PDGFB: variants seen among roughly 807,000 people sequenced by gnomAD.
The protein encoded by PDGFB is platelet derived growth factor subunit B, also known as platelet-derived growth factor subunit B.
Under a neutral mutation model 29.0 loss-of-function variants are expected in PDGFB, and 6 were observed. The observed-to-expected ratio is 0.21, with a 90% CI of 0.11 to 0.41. PDGFB has a LOEUF of 0.41. Among genes scored for constraint, PDGFB ranks in the 10% least tolerant of loss-of-function variants. PDGFB has a pLI of 1.00. For synonymous variants in PDGFB, 144 were observed against 140.8 expected, an observed-to-expected ratio of 1.02 and a Z score of -0.16; for missense variants, 299 against 341.8, an observed-to-expected ratio of 0.87 and a Z score of 0.99.
rs945398982 is a variant in PDGFB at position 39,238,060 on chromosome 22, G to A, written c.64-2186C>T. 7.2e-5 allele frequency among the ~76,000 whole-genome samples: 11 copies of A among 152,296 alleles called. No individual in the cohort carries two copies. The South Asian group carries it at 8.3e-4, about 11-fold the overall frequency. The stretch of plus-strand genomic sequence containing the variant: ...AGATCTCCCTGCCCACTGGAGAGCC[G>A]GCTGCAGCTGCCAGCCACGGCAGAG... On this transcript the variant is annotated intron_variant, in intron 1 of 6. Coordinates refer to ENST00000331163, the MANE Select transcript of PDGFB (RefSeq NM_002608.4).
At chr22:39,235,950 G>A (rs985189490) in intron 1 of PDGFB, 76 bp from the exon 2 acceptor site, 16 of 921,430 alleles carry the variant, frequency 1.7e-5, no homozygotes, top group South Asian at 1.3e-4. Context: ...CCCACCACAC[G>A]CTTTCTCGCT....
intron 1 of PDGFB, among the ~76,000 whole-genome samples, chr22:39,237,829 G>A (rs1002459329): frequency 2.0e-5 from 3 of 152,200 alleles, no homozygotes; most frequent in South Asian, 2.1e-4. Context: ...TGAATCGAGG[G>A]GCTTGAAGAA....
intron 1 of PDGFB, among the ~76,000 whole-genome samples, chr22:39,240,153 G>C (rs73884887): frequency 2.0e-5 from 3 of 152,068 alleles, no homozygotes; most frequent in Non-Finnish European, 4.4e-5. Context: ...GCTCCTTCAC[G>C]TGGGCCCAGA....
At chr22:39,239,996 G>A (rs1039644717) in intron 1 of PDGFB, among the ~76,000 whole-genome samples, 1 of 152,212 alleles carries the variant, frequency 6.6e-6, no homozygotes, top group Non-Finnish European at 1.5e-5. Flanking sequence ...CCTGAGAGTC[G>A]CAGGCCTTAT....
intron 3 of PDGFB, among the ~76,000 whole-genome samples, chr22:39,232,812 G>A (rs1187655331): frequency 2.0e-5 from 3 of 152,188 alleles, no homozygotes; most frequent in African/African-American, 4.8e-5. Flanking sequence ...CTTATTCATC[G>A]TTCCCCCAGC....
Position 39,241,505 on chromosome 22 carries a change from G to C in PDGFB, c.63+2396C>G, listed in dbSNP as rs187848327. On this transcript the variant is annotated intron_variant, in intron 1 of 6. Transcript: ENST00000331163. The stretch of plus-strand genomic sequence containing the variant: ...ATCGCGCCTGTGGCCATGTGTTCAA[G>C]AATGCTGTGACTAAAGTGAGGAGAA... Among the ~76,000 whole-genome samples the C allele has an allele frequency of 1.1e-4, 17 of 152,372 alleles. No individual in the cohort carries two copies. The East Asian group carries it at 3.3e-3, about 29-fold the overall frequency.
Position 39,224,161 on chromosome 22 carries a change from A to C in PDGFB, c.*1181T>G, listed in dbSNP as rs1327703081. On this transcript the variant is annotated 3_prime_UTR_variant, in exon 7 of 7. Coordinates refer to ENST00000331163, the MANE Select transcript of PDGFB (RefSeq NM_002608.4). ...CTGCCCCTACCACAGTCTCCCTCCT[A>C]TTTGGCCACTCCAAGCCACAGGCTG... 1 of 152,184 alleles carries C rather than the reference A, an allele frequency of 6.6e-6. No homozygotes were observed. The highest frequency in any genetic ancestry group is 1.5e-5 in the Non-Finnish European group (1 of 68,036). The allele number at this position is 152,184 out of a possible 1,614,324, so 9.4% of individuals were successfully genotyped here.
intron 1 of PDGFB, among the ~76,000 whole-genome samples, chr22:39,236,745 C>A (rs970261316): frequency 6.6e-6 from 1 of 152,162 alleles, no homozygotes; most frequent in African/African-American, 2.4e-5. Context: ...AAGAAAGAGG[C>A]GAGGGCAGAT....
chr22:39,233,992 C>A (rs983848568), intron 2 of PDGFB, among the ~76,000 whole-genome samples: 2 of 64,988 alleles, frequency 3.1e-5, no homozygotes, highest in Non-Finnish European at 6.3e-5. Flanking sequence ...ACAATGGCCG[C>A]GCTGGGCAGG....
intron 3 of PDGFB, among the ~76,000 whole-genome samples, chr22:39,232,992 C>T (rs2146441894): frequency 6.6e-6 from 1 of 152,338 alleles, no homozygotes; most frequent in South Asian, 2.1e-4. Flanking sequence ...GTCTACCAGC[C>T]TAGGCCGCGG....
rs867411237 is a variant in PDGFB, at chr22:39,231,680, C to A, written c.398G>T (p.Cys133Phe). ...PCVEVQRCSG[C>F]CNNRNVQCRP... ...GCACTGCACGTTGCGGTTGTTGCAG[C>A]AGCCGGAGCAGCGCTGCACCTCCAC... The change falls in exon 4 of 7, where the codon TGC becomes TTC. Residue 133 changes from cysteine (C) to phenylalanine (F), a missense_variant. Cys to Phe is a radical substitution (Grantham distance 205). Transcript: ENST00000331163. This position sits in a 1 kb window ranked among gnomAD's most constrained non-coding sequence, Gnocchi z 4.3. 1.3e-6 allele frequency: 2 copies of A among 1,598,230 alleles called. No individual in the cohort carries two copies. Among genetic ancestry groups the A allele is most frequent in the South Asian group, 2.3e-5 (2 of 88,442 alleles).
At chr22:39,232,806 T>A (rs1272693357) in intron 3 of PDGFB, among the ~76,000 whole-genome samples, 1 of 152,222 alleles carries the variant, frequency 6.6e-6, no homozygotes, top group African/African-American at 2.4e-5. Context: ...CTGACTCTTA[T>A]TCATCGTTCC....
chr22:39,228,820 T>C lies in PDGFB; in HGVS notation c.601+1264A>G, dbSNP rs547890493. ...GGGAGAATTGCTTGAACCCAGGAGG[T>C]AGAGGTTGCAGTGAGCCAAGATTGT... On this transcript the variant is annotated intron_variant, in intron 5 of 6. Transcript: ENST00000331163. Among the ~76,000 whole-genome samples, 3 of 149,994 alleles carry C rather than the reference T, an allele frequency of 2.0e-5. No individual in the cohort carries two copies. In the East Asian group the frequency reaches 5.9e-4, roughly 29 times the overall value.
chr22:39,234,959 C>T (rs1427802683), intron 2 of PDGFB, among the ~76,000 whole-genome samples: 1 of 152,162 alleles, frequency 6.6e-6, no homozygotes, highest in East Asian at 1.9e-4. Flanking sequence ...GGGTGGGGGC[C>T]CTGGCGAACA....
In PDGFB at chr22:39,231,607, G is replaced by A. The variant is rs370490370; in HGVS notation, c.456+15C>T. On this transcript the variant is annotated intron_variant, in intron 4 of 6. Transcript: ENST00000331163. This position sits in a 1 kb window ranked among gnomAD's most constrained non-coding sequence, Gnocchi z 4.3. ...CCACCGGGACCAGCCTCGGGGGGCC[G>A]CGGAGCCTACGCACCTGGACAGGTC... is the stretch of plus-strand genomic sequence containing the variant. 8.0e-5 allele frequency: 123 copies of A among 1,531,402 alleles called. No homozygotes were observed. Among genetic ancestry groups the A allele is most frequent in the Middle Eastern group, 4.4e-4 (2 of 4,562 alleles). The allele number at this position is 1,531,402 out of a possible 1,614,324, so 94.9% of individuals were successfully genotyped here. A position where few individuals can be genotyped will look rare whatever the true frequency, so the allele number is the denominator to read the frequency against.
At chr22:39,234,506 G>A (rs1932392917) in intron 2 of PDGFB, among the ~76,000 whole-genome samples, 1 of 152,224 alleles carries the variant, frequency 6.6e-6, no homozygotes, top group South Asian at 2.1e-4. Context: ...TCCAGTTCTG[G>A]CACCGACCCA....
chr22:39,229,744 C>A (rs1191741906), intron 5 of PDGFB, among the ~76,000 whole-genome samples: 2 of 152,160 alleles, frequency 1.3e-5, no homozygotes, highest in Non-Finnish European at 2.9e-5. Context: ...AGGAGCTAGG[C>A]TTGTGGAGAG....
At chr22:39,229,441 G>A (rs1224488113) in intron 5 of PDGFB, among the ~76,000 whole-genome samples, 1 of 152,196 alleles carries the variant, frequency 6.6e-6, no homozygotes, top group African/African-American at 2.4e-5. Context: ...TTCTGCATAT[G>A]GAGCTGAAAT....
chr22:39,232,309 T>C (rs1326801347), intron 3 of PDGFB, among the ~76,000 whole-genome samples: 5 of 152,156 alleles, frequency 3.3e-5, no homozygotes. Flanking sequence ...TCCTCCTCTA[T>C]GAAATGGGAT....
Sources: allele counts gnomAD v4.1 joint callset (sites outside exome capture counted in the v4.1 genomes callset), GRCh38; gene constraint gnomAD v4.1.1; non-coding constraint Gnocchi (gnomAD v3.1); transcripts MANE v1.5; gene names NCBI Gene and HGNC (gene_info 2026-07-23, HGNC 2026-07-21).